STXBP5L: variants seen among roughly 807,000 people sequenced by gnomAD.
STXBP5L encodes the protein syntaxin binding protein 5L.
Under a neutral mutation model 144.5 loss-of-function variants are expected in STXBP5L, and 65 were observed. The ratio of observed to expected loss-of-function variants is 0.45; its 90% CI spans 0.37 to 0.55. The LOEUF (loss-of-function observed/expected upper bound fraction) is 0.55. Ranked by LOEUF, STXBP5L falls within the 20% of genes least tolerant of loss-of-function variation. The pLI is 0.00. For synonymous variants in STXBP5L, 505 were observed against 469.6 expected, an observed-to-expected ratio of 1.08 and a Z score of -0.97; for missense variants, 1,298 against 1,405.5, an observed-to-expected ratio of 0.92 and a Z score of 1.22.
At chr3:120,934,967 T>C (rs374416657) in intron 2 of STXBP5L, among the ~76,000 whole-genome samples, 1 of 152,012 alleles carries the variant, frequency 6.6e-6, no homozygotes, top group East Asian at 1.9e-4. Flanking sequence ...TGTCTTTTAA[T>C]TGATATATTT....
chr3:121,369,946 A>C (rs2045981364), intron 20 of STXBP5L, among the ~76,000 whole-genome samples: 1 of 152,192 alleles, frequency 6.6e-6, no homozygotes, highest in Non-Finnish European at 1.5e-5. Flanking sequence ...GTCCCCACCT[A>C]AATCTCATGT....
intron 5 of STXBP5L, among the ~76,000 whole-genome samples, chr3:121,075,896 C>G (rs1364948308): frequency 1.3e-5 from 2 of 152,162 alleles, no homozygotes; most frequent in African/African-American, 2.4e-5. Context: ...TAGAGAGCAG[C>G]TTGTATAACT....
chr3:121,090,413 T>C (rs987307423), intron 5 of STXBP5L, among the ~76,000 whole-genome samples: 15 of 152,124 alleles, frequency 9.9e-5, no homozygotes, highest in Non-Finnish European at 2.9e-5. Context: ...TCCTTACTGC[T>C]CCTCAAATGG....
rs1186481473 is a variant in STXBP5L at position 121,408,356 on chromosome 3, T to G, written c.2948+753T>G. ...ATATCTCACTTATTTCCAAAAATCA[T>G]TGAGATGAGCACTGTGCTAGGCCTG... is the stretch of plus-strand genomic sequence containing the variant. On this transcript the variant is annotated intron_variant, in intron 23 of 26. Transcript: ENST00000471454. 4.6e-5 allele frequency among the ~76,000 whole-genome samples: 7 copies of G among 152,020 alleles called. No individual in the cohort carries two copies. The East Asian group carries it at 1.4e-3, about 29-fold the overall frequency.
At chr3:121,082,082 G>A (rs2042272786) in intron 5 of STXBP5L, among the ~76,000 whole-genome samples, 1 of 151,640 alleles carries the variant, frequency 6.6e-6, no homozygotes, top group Admixed American at 6.6e-5. Flanking sequence ...TTTCAAAATT[G>A]TCTTAGTTAC....
intron 5 of STXBP5L, among the ~76,000 whole-genome samples, chr3:121,082,107 C>CT (rs1406375915): frequency 6.6e-6 from 1 of 152,032 alleles, no homozygotes; most frequent in Non-Finnish European, 1.5e-5. Context: ...GTTCCTATGG[C>CT]TTTCTACCTA....
At chr3:121,318,788 G>A (rs2043870456) in intron 20 of STXBP5L, among the ~76,000 whole-genome samples, 2 of 152,040 alleles carry the variant, frequency 1.3e-5, no homozygotes, top group African/African-American at 4.8e-5. Context: ...ACATTTTAAA[G>A]GAAAGTTATT....
At chr3:121,017,220 G>T (rs1945204497) in intron 3 of STXBP5L, among the ~76,000 whole-genome samples, 1 of 152,098 alleles carries the variant, frequency 6.6e-6, no homozygotes, top group South Asian at 2.1e-4. Context: ...AGTAAGCATT[G>T]CATTTGACAA....
intron 25 of STXBP5L, among the ~76,000 whole-genome samples, chr3:121,416,503 ATTTATTATTTATTT>A (rs1560071882): frequency 1.5e-5 from 2 of 135,584 alleles, no homozygotes; most frequent in East Asian, 4.4e-4. Flanking sequence ...TTATTTATTT[ATTTATTATTTATTT>A]ATTTATTTGA....
chr3:121,034,959 T>C (rs2107524686), intron 3 of STXBP5L, among the ~76,000 whole-genome samples: 1 of 152,316 alleles, frequency 6.6e-6, no homozygotes, highest in Admixed American at 6.5e-5. Flanking sequence ...TGTATTTCTC[T>C]AATGAATAGT....
At chr3:120,976,225 T>G (rs1344575713) in intron 3 of STXBP5L, among the ~76,000 whole-genome samples, 1 of 152,240 alleles carries the variant, frequency 6.6e-6, no homozygotes, top group Non-Finnish European at 1.5e-5. Context: ...TTTCAGAGCC[T>G]GTTATTAGTC....
At chr3:120,981,261 C>G (rs1025209311) in intron 3 of STXBP5L, among the ~76,000 whole-genome samples, 1 of 152,104 alleles carries the variant, frequency 6.6e-6, no homozygotes, top group Non-Finnish European at 1.5e-5. Context: ...CTAGCAAAAC[C>G]AGGGAAGTTT....
intron 19 of STXBP5L, among the ~76,000 whole-genome samples, chr3:121,300,793 C>G (rs1238591818): frequency 6.6e-6 from 1 of 151,602 alleles, no homozygotes; most frequent in East Asian, 1.9e-4. Flanking sequence ...TAAACTTAAC[C>G]CCATCAAAGA....
chr3:121,111,511 C>T (rs547638118), intron 5 of STXBP5L, among the ~76,000 whole-genome samples: 1 of 152,188 alleles, frequency 6.6e-6, no homozygotes, highest in Admixed American at 6.5e-5. Flanking sequence ...GGGGTCCACT[C>T]CAGACCCTAT....
At chr3:121,127,640 C>G (rs967367434) in intron 7 of STXBP5L, among the ~76,000 whole-genome samples, 1 of 151,590 alleles carries the variant, frequency 6.6e-6, no homozygotes, top group African/African-American at 2.4e-5. Flanking sequence ...ATGATTTCTT[C>G]TTGAAATCCT....
rs891425554 is a variant in STXBP5L at position 121,179,241 on chromosome 3, C to A, written c.877+21614C>A. 5.3e-5 allele frequency among the ~76,000 whole-genome samples: 8 copies of A among 152,052 alleles called. No individual in the cohort carries two copies. The East Asian group carries it at 1.2e-3, about 22-fold the overall frequency. ...AATTCCATAGGAGACAGTGAACTCA[C>A]CCACACACCAAGAACATAACTACAA... On this transcript the variant is annotated intron_variant, in intron 9 of 26. Coordinates refer to ENST00000471454, the MANE Select transcript of STXBP5L (RefSeq NM_001308330.2).
intron 20 of STXBP5L, among the ~76,000 whole-genome samples, chr3:121,332,035 A>C (rs1309983227): frequency 6.6e-6 from 1 of 151,968 alleles, no homozygotes; most frequent in African/African-American, 2.4e-5. Flanking sequence ...AGGTTACAAA[A>C]ACTGTAATCA....
At chr3:121,253,089 G>T (rs1456792341) in intron 15 of STXBP5L, among the ~76,000 whole-genome samples, 1 of 152,110 alleles carries the variant, frequency 6.6e-6, no homozygotes, top group East Asian at 1.9e-4. Context: ...GGACCTTAAT[G>T]ATGTCTGCAA....
chr3:121,182,739 A>G (rs2047211874), intron 9 of STXBP5L, among the ~76,000 whole-genome samples: 1 of 152,222 alleles, frequency 6.6e-6, no homozygotes, highest in African/African-American at 2.4e-5. Context: ...CACAAAATTG[A>G]TAGACCATTA....
Sources: gnomAD v4.1 joint callset for allele counts (sites outside exome capture counted in the v4.1 genomes callset) on GRCh38, gnomAD v4.1.1 for gene constraint, MANE v1.5 for transcripts, NCBI Gene and HGNC (gene_info 2026-07-23, HGNC 2026-07-21) for gene names.